AQR: variants seen among roughly 807,000 people sequenced by gnomAD.
AQR encodes aquarius intron-binding spliceosomal factor.
AQR carries 61 observed loss-of-function variants against 180.5 expected under a neutral mutation model. The observed-to-expected ratio is 0.34, with a 90% CI of 0.28 to 0.42. AQR has a LOEUF of 0.42. Ranked by LOEUF, AQR falls within the 10% of genes least tolerant of loss-of-function variation. The pLI is 1.00. For synonymous variants in AQR, 551 were observed against 588.8 expected (o/e 0.94, Z 0.93); for missense variants, 1,281 against 1,798.3 (o/e 0.71, Z 5.20).
chr15:34,934,293 A>C lies in AQR; in HGVS notation c.783+278T>G, dbSNP rs141980583. Among the ~76,000 whole-genome samples the C allele has an allele frequency of 9.3e-3, 1,387 of 148,622 alleles. 9 individuals carry two copies. Among genetic ancestry groups the C allele is most frequent in the Middle Eastern group, 0.058 (16 of 278 alleles). Reference sequence around the variant, plus strand: ...ATTGTATACAATACTATATTATTATACAATCCATGGGCACCCAATATGTAT... The same window carrying C: ...ATTGTATACAATACTATATTATTATCCAATCCATGGGCACCCAATATGTAT... On this transcript the variant is annotated intron_variant, in intron 10 of 34. Coordinates refer to ENST00000156471, the MANE Select transcript of AQR (RefSeq NM_014691.3).
At chr15:34,864,560 G>T (rs150406960) in intron 32 of AQR, among the ~76,000 whole-genome samples, 1 of 152,156 alleles carries the variant, frequency 6.6e-6, no homozygotes, top group Non-Finnish European at 1.5e-5. Flanking sequence ...AATACCTAGC[G>T]TAAGTCCTCA....
At position 34,932,122 on chromosome 15, in the gene AQR, A is replaced by G. The variant is rs77976790; in HGVS notation, c.900+196T>C. Among the ~76,000 whole-genome samples, 1,113 of 152,352 alleles carry G rather than the reference A, an allele frequency of 7.3e-3. 12 individuals carry two copies. Among genetic ancestry groups the G allele is most frequent in the African/African-American group, 0.025 (1,045 of 41,578 alleles). On this transcript the variant is annotated intron_variant, in intron 11 of 34. Transcript: ENST00000156471. ...ATCATAATTTAGTCCAATAATAAAA[A>G]TCATACATAATTAACAAAAAGTTAT...
At chr15:34,891,208 C>CT (rs1439992605) in intron 23 of AQR, among the ~76,000 whole-genome samples, 1 of 152,138 alleles carries the variant, frequency 6.6e-6, no homozygotes, top group African/African-American at 2.4e-5. Context: ...TATCCAAACT[C>CT]TTGATACTCA....
chr15:34,885,042 G>GTTT (rs1893038290), intron 25 of AQR, among the ~76,000 whole-genome samples: 1 of 152,162 alleles, frequency 6.6e-6, no homozygotes, highest in Non-Finnish European at 1.5e-5. Context: ...ACTCAAGAGA[G>GTTT]TTTATTATTA....
intron 16 of AQR, among the ~76,000 whole-genome samples, chr15:34,914,587 G>A (rs962101826): frequency 8.5e-5 from 13 of 152,152 alleles, no homozygotes; most frequent in African/African-American, 2.9e-4. Context: ...CATTCCCCTA[G>A]AGAGGCTGCC....
At chr15:34,939,132 G>A (rs1437690998) in intron 8 of AQR, among the ~76,000 whole-genome samples, 1 of 152,120 alleles carries the variant, frequency 6.6e-6, no homozygotes, top group Non-Finnish European at 1.5e-5. Flanking sequence ...GCAGTGGCGC[G>A]ATTTCAGCTC....
At chr15:34,956,583 C>T (rs948065935) in intron 3 of AQR, among the ~76,000 whole-genome samples, 3 of 150,238 alleles carry the variant, frequency 2.0e-5, no homozygotes, top group African/African-American at 4.9e-5. Context: ...ACCCAGGAGG[C>T]GGAGGTGGCA....
chr15:34,874,113 A>G, intron 29 of AQR, 114 bp from the exon 30 acceptor site: 3 of 1,110,102 alleles, frequency 2.7e-6, no homozygotes, highest in Non-Finnish European at 3.6e-6. Flanking sequence ...CATGTTAGCC[A>G]TTTTGGCTCA....
chr15:34,949,703 T>A (rs1196700945), intron 4 of AQR, among the ~76,000 whole-genome samples: 1 of 145,916 alleles, frequency 6.9e-6, no homozygotes, highest in African/African-American at 2.5e-5. Context: ...ACACCTGTAA[T>A]CCCAGTACTT....
intron 26 of AQR, among the ~76,000 whole-genome samples, chr15:34,883,832 A>G (rs1406798832): frequency 1.3e-5 from 2 of 152,214 alleles, no homozygotes; most frequent in Non-Finnish European, 2.9e-5. Context: ...ACTGGGTTCC[A>G]GACATATTCT....
intron 16 of AQR, among the ~76,000 whole-genome samples, chr15:34,911,695 A>C (rs1055496908): frequency 1.3e-5 from 2 of 152,134 alleles, no homozygotes; most frequent in Non-Finnish European, 2.9e-5. Flanking sequence ...ATTAACTTCT[A>C]ATCAGACACA....
intron 23 of AQR, among the ~76,000 whole-genome samples, chr15:34,893,315 A>T (rs1825349629): frequency 6.6e-6 from 1 of 152,092 alleles, no homozygotes. Flanking sequence ...CGATTGGCTA[A>T]AACTTAAGCT....
At chr15:34,868,041 A>G (rs1038968682) in intron 31 of AQR, 1 of 163,362 alleles carries the variant, frequency 6.1e-6, no homozygotes, top group African/African-American at 2.4e-5. Flanking sequence ...AGAAAAAAAC[A>G]AATAATCTTC....
chr15:34,925,909 C>G (rs143139263), intron 13 of AQR, among the ~76,000 whole-genome samples: 28 of 152,214 alleles, frequency 1.8e-4, no homozygotes, highest in African/African-American at 5.5e-4. Context: ...TGGCTCATGC[C>G]TGTAATCCCG....
At chr15:34,893,607 G>GCGCA (rs1555423809) in intron 23 of AQR, 56 bp downstream of exon 23, 43 of 999,680 alleles carry the variant, frequency 4.3e-5, no homozygotes, top group South Asian at 2.3e-4. Context: ...GCGCATGCGT[G>GCGCA]CACACACACA....
Position 34,854,876 on chromosome 15 carries a change from A to T in AQR, c.*1916T>A. 6.6e-6 allele frequency: 1 copy of T among 152,188 alleles called. No homozygotes were observed. Among genetic ancestry groups the T allele is most frequent in the East Asian group, 1.9e-4 (1 of 5,194 alleles). The allele number at this position is 152,188 out of a possible 1,614,324, so 9.4% of individuals were successfully genotyped here. A position where few individuals can be genotyped will look rare whatever the true frequency, so the allele number is the denominator to read the frequency against. On this transcript the variant is annotated 3_prime_UTR_variant, in exon 35 of 35. Transcript: ENST00000156471. ...ATCCCCTAAGGGAGAGAGAAAAATC[A>T]ATCTTTTCCAGGAAAGATGGTAATA...
chr15:34,916,882 C>CAAAAAAAAAAAAA (rs71119988), intron 15 of AQR, among the ~76,000 whole-genome samples: 1 of 79,230 alleles, frequency 1.3e-5, no homozygotes, highest in African/African-American at 5.1e-5. Context: ...TTCAGCAGAA[C>CAAAAAAAAAAAAA]AAAAAAAAAA....
intron 5 of AQR, among the ~76,000 whole-genome samples, chr15:34,945,887 C>T (rs1370518043): frequency 6.6e-6 from 1 of 152,154 alleles, no homozygotes; most frequent in Non-Finnish European, 1.5e-5. Flanking sequence ...TTTTGGATCC[C>T]TACTGATCAA....
intron 4 of AQR, among the ~76,000 whole-genome samples, chr15:34,952,589 C>A (rs1198837300): frequency 6.6e-6 from 1 of 152,166 alleles, no homozygotes; most frequent in Admixed American, 6.5e-5. Context: ...GGCTATAGAA[C>A]ACACTCTAAT....
Sources: gnomAD v4.1 joint callset for allele counts (sites outside exome capture counted in the v4.1 genomes callset) on GRCh38, gnomAD v4.1.1 for gene constraint, MANE v1.5 for transcripts, NCBI Gene and HGNC (gene_info 2026-07-23, HGNC 2026-07-21) for gene names.